The following ELP3 variants were observed in gnomAD, a reference collection of about 807,000 sequenced individuals.
The protein encoded by ELP3 is elongator complex protein 3.
Under a neutral mutation model 74.9 loss-of-function variants are expected in ELP3, and 56 were observed. The ratio of observed to expected loss-of-function variants is 0.75; its 90% confidence interval spans 0.60 to 0.93. The LOEUF is 0.93. Among genes scored for constraint, ELP3 ranks in the 40% least tolerant of loss-of-function variants. The pLI, the probability that ELP3 is intolerant of heterozygous loss-of-function variation, is 0.00. For missense variants in ELP3, 573 were observed against 686.5 expected, an observed-to-expected ratio of 0.83 and a Z score of 1.85; for synonymous variants, 222 against 239.8, an observed-to-expected ratio of 0.93 and a Z score of 0.68.
In ELP3 at chr8:28,106,759, T is replaced by G. The variant is rs1056015085; in HGVS notation, c.305T>G (p.Ile102Ser). 6.2e-7 allele frequency: 1 copy of G among 1,612,800 alleles called. No homozygotes were observed. Among genetic ancestry groups the G allele is most frequent in the Middle Eastern group, 1.9e-4 (1 of 5,284 alleles). Reference sequence around the variant, plus strand: ...TGCAAACCCCACAGATGTCCACACATCAGTTTTACAGGAAATATATGTGTG... The same window carrying G: ...TGCAAACCCCACAGATGTCCACACAGCAGTTTTACAGGAAATATATGTGTG... ...VMCKPHRCPH[I>S]SFTGNICVYC... The change falls in exon 4 of 15, where the codon ATC becomes AGC. Residue 102 changes from isoleucine (I) to serine (S), a missense_variant. By Grantham distance (142) the Ile-to-Ser change is moderately radical. Coordinates refer to ENST00000256398, the MANE Select transcript of ELP3 (RefSeq NM_018091.6).
intron 12 of ELP3, 82 bp from the exon 13 acceptor site, chr8:28,160,147 C>T: frequency 5.5e-6 from 7 of 1,268,782 alleles, no homozygotes; most frequent in Non-Finnish European, 7.6e-6. Context: ...TAGATATTAA[C>T]CTAAATAAAT....
rs745735839 is a variant in ELP3 at position 28,162,071 on chromosome 8, G to C, written c.1560G>C (p.Val520=). ...AACATGGGTCTGGGAAAATCGCTGT[G>C]ATATCAGGTAACTGGGGGAGGGCGA... ...REEHGSGKIA[V]ISGVGTRNYY... is the part of the protein sequence containing the mutation. Residue 520 remains valine (V), a synonymous_variant, in exon 14 of 15, where the codon GTG becomes GTC. Transcript: ENST00000256398. 20 of 1,614,148 alleles carry C rather than the reference G, an allele frequency of 1.2e-5. No individual in the cohort carries two copies. In the East Asian group the frequency reaches 4.2e-4, roughly 34 times the overall value.
chr8:28,155,132 A>G (rs1159963992), intron 10 of ELP3, among the ~76,000 whole-genome samples: 2 of 152,366 alleles, frequency 1.3e-5, no homozygotes, highest in East Asian at 1.9e-4. Flanking sequence ...TAATTGGCAT[A>G]TTCTCCACAT....
At chr8:28,099,737 AG>A in intron 2 of ELP3, 90 bp from the exon 3 acceptor site, 4 of 1,378,760 alleles carry the variant, frequency 2.9e-6, no homozygotes, top group Non-Finnish European at 4.1e-6. Context: ...GGAGAGTGAC[AG>A]TTGTTAATGA....
At chr8:28,118,606 C>T (rs1812227519) in intron 7 of ELP3, among the ~76,000 whole-genome samples, 1 of 152,184 alleles carries the variant, frequency 6.6e-6, no homozygotes, top group Non-Finnish European at 1.5e-5. Flanking sequence ...GTGTAACAAT[C>T]AGGCTCTGGA....
chr8:28,156,131 G>C, intron 11 of ELP3, 99 bp downstream of exon 11: 3 of 940,412 alleles, frequency 3.2e-6, no homozygotes, highest in Non-Finnish European at 5.0e-6. Context: ...CCAGACTTGC[G>C]GGTCAGGTCA....
At chr8:28,138,465 A>G (rs1025075876) in intron 10 of ELP3, among the ~76,000 whole-genome samples, 6 of 152,246 alleles carry the variant, frequency 3.9e-5, no homozygotes, top group Non-Finnish European at 8.8e-5. Flanking sequence ...ATACATATAT[A>G]CTGGAAACAT....
intron 10 of ELP3, among the ~76,000 whole-genome samples, chr8:28,140,114 TTGTGTGTGTGTGTGTGTGTGTG>T (rs56981709): frequency 8.4e-5 from 12 of 143,692 alleles, no homozygotes; most frequent in Admixed American, 1.4e-4. Flanking sequence ...TGTACATATT[TTGTGTGTGTGTGTGTGTGTGTG>T]TGTGTGTGTG....
rs780789501 is a variant in ELP3, at chr8:28,179,937, A to AT, written c.1568-9710dup. On this transcript the variant is annotated intron_variant, in intron 14 of 14. Transcript: ENST00000256398. ...GTTTGCAGGTATTTTCTTTCAGTAC[A>AT]TTGTATCTATCTTCCCCTTATTTCC... Among the ~76,000 whole-genome samples the AT allele has an allele frequency of 8.1e-4, 123 of 152,142 alleles. 2 individuals are homozygous for AT. The highest frequency in any genetic ancestry group is 4.5e-3 in the Admixed American group (69 of 15,270).
chr8:28,090,904 CTTT>C (rs71222535), upstream of ELP3, among the ~76,000 whole-genome samples: 2 of 77,392 alleles, frequency 2.6e-5, no homozygotes. Context: ...TAAATGTTTC[CTTT>C]TTTTTTTTTT....
chr8:28,120,392 T>G (rs577588405), intron 7 of ELP3, among the ~76,000 whole-genome samples: 1 of 152,370 alleles, frequency 6.6e-6, no homozygotes, highest in African/African-American at 2.4e-5. Context: ...CTTTGTGAAG[T>G]ATCTATTAAA....
chr8:28,095,482 C>A (rs1298745958), intron 1 of ELP3, among the ~76,000 whole-genome samples: 1 of 152,230 alleles, frequency 6.6e-6, no homozygotes, highest in Non-Finnish European at 1.5e-5. Context: ...ACCAGTCCTA[C>A]CTCTGTTGCA....
rs982824966 is a variant in ELP3, at chr8:28,100,557, T to C, written c.258+591T>C. 2.0e-5 allele frequency among the ~76,000 whole-genome samples: 3 copies of C among 152,154 alleles called. No individual in the cohort carries two copies. The East Asian group carries it at 5.8e-4, about 29-fold the overall frequency. On this transcript the variant is annotated intron_variant, in intron 3 of 14. Transcript: ENST00000256398. ...ATAGCGAGTACGCCAGACTGAAGGG[T>C]GTTAACAGTTCAGGAGAGTAGGACT...
At chr8:28,159,500 C>T (rs1585724872) in intron 12 of ELP3, among the ~76,000 whole-genome samples, 1 of 152,274 alleles carries the variant, frequency 6.6e-6, no homozygotes, top group East Asian at 1.9e-4. Flanking sequence ...AGTGTTTCTG[C>T]GTGTGGCCAT....
At position 28,141,046 on chromosome 8, in the gene ELP3, G is replaced by A. The variant is rs79557121; in HGVS notation, c.1100+3155G>A. On this transcript the variant is annotated intron_variant, in intron 10 of 14. Transcript: ENST00000256398. ...CTCAGTATACAGTGTAAGTGTGTTG[G>A]TGACACTCGGTGTAGAATGTTAACT... 5.3e-3 allele frequency among the ~76,000 whole-genome samples: 802 copies of A among 152,306 alleles called. 1 individual carries two copies. Among genetic ancestry groups the A allele is most frequent in the Non-Finnish European group, 8.3e-3 (563 of 68,034 alleles).
intron 8 of ELP3, among the ~76,000 whole-genome samples, chr8:28,131,946 G>A (rs976038755): frequency 6.6e-6 from 1 of 152,166 alleles, no homozygotes; most frequent in Non-Finnish European, 1.5e-5. Context: ...GACTGGTGAT[G>A]CTAAACCAAA....
At chr8:28,168,724 A>G (rs1044013649) in intron 14 of ELP3, among the ~76,000 whole-genome samples, 5 of 152,214 alleles carry the variant, frequency 3.3e-5, no homozygotes, top group Non-Finnish European at 7.3e-5. Flanking sequence ...GTTTGTTGCA[A>G]TGTTGACTCC....
intron 7 of ELP3, among the ~76,000 whole-genome samples, chr8:28,121,051 C>CT (rs570378967): frequency 6.6e-6 from 1 of 152,242 alleles, no homozygotes; most frequent in South Asian, 2.1e-4. Context: ...TTAGAATCAG[C>CT]TGGCCAATGC....
chr8:28,126,181 ACT>A (rs1812570672), intron 7 of ELP3, among the ~76,000 whole-genome samples: 1 of 152,108 alleles, frequency 6.6e-6, no homozygotes, highest in African/African-American at 2.4e-5. Context: ...GAATGGGAGC[ACT>A]GAGATCTCAC....
Sources: allele counts gnomAD v4.1 joint callset (sites outside exome capture counted in the v4.1 genomes callset), GRCh38; gene constraint gnomAD v4.1.1; transcripts MANE v1.5; gene names NCBI Gene and HGNC (gene_info 2026-07-23, HGNC 2026-07-21).